Variants in PKHD1 observed in about 807,000 individuals in gnomAD.
PKHD1 encodes PKHD1 ciliary IPT domain containing fibrocystin/polyductin.
In PKHD1, 291 loss-of-function variants were observed where a neutral mutation model predicts 412.0. That is an observed-to-expected ratio of 0.71 (90% confidence interval 0.64 to 0.78). The LOEUF (loss-of-function observed/expected upper bound fraction) is 0.78, where lower values mean the gene tolerates loss of function less well. Ranked by LOEUF, PKHD1 falls within the 30% of genes least tolerant of loss-of-function variation. PKHD1 has a pLI of 0.00. For synonymous variants in PKHD1, 1,777 were observed against 1,821.5 expected (o/e 0.98, Z 0.62); for missense variants, 4,825 against 4,950.7 (o/e 0.97, Z 0.76).
chr6:52,012,802 C>A (rs1181155371), intron 34 of PKHD1, among the ~76,000 whole-genome samples: 1 of 152,154 alleles, frequency 6.6e-6, no homozygotes, highest in Non-Finnish European at 1.5e-5. Context: ...CACTTATAAA[C>A]CTATCAGAAA....
intron 48 of PKHD1, among the ~76,000 whole-genome samples, chr6:51,857,837 T>C (rs759455830): frequency 6.6e-6 from 1 of 152,216 alleles, no homozygotes; most frequent in Non-Finnish European, 1.5e-5. Flanking sequence ...TAAATGTATT[T>C]GTTTCATCCA....
chr6:52,005,982 G>A (rs1798996768), intron 35 of PKHD1, among the ~76,000 whole-genome samples: 1 of 149,052 alleles, frequency 6.7e-6, no homozygotes, highest in Non-Finnish European at 1.5e-5. Context: ...AAGCATGTGG[G>A]AGTGGCTTTT....
intron 35 of PKHD1, among the ~76,000 whole-genome samples, chr6:52,001,515 C>T (rs902528155): frequency 2.0e-5 from 3 of 151,752 alleles, no homozygotes; most frequent in African/African-American, 7.3e-5. Context: ...CTGCAAGCTC[C>T]GCCTCCCGGG....
intron 37 of PKHD1, among the ~76,000 whole-genome samples, chr6:51,925,867 C>T (rs528759998): frequency 6.6e-5 from 10 of 151,056 alleles, no homozygotes; most frequent in South Asian, 2.1e-4. Context: ...TCAAATGGGG[C>T]GAAAGTTAAT....
intron 36 of PKHD1, among the ~76,000 whole-genome samples, chr6:51,950,591 T>C (rs1434196189): frequency 6.6e-6 from 1 of 152,178 alleles, no homozygotes; most frequent in Non-Finnish European, 1.5e-5. Context: ...GTAGGTTTAC[T>C]GTAGAGCTCC....
At chr6:52,052,934 C>T (rs1807094894) in intron 21 of PKHD1, 142 bp downstream of exon 21, 19 of 725,812 alleles carry the variant, frequency 2.6e-5, no homozygotes, top group Middle Eastern at 2.3e-4. Context: ...ATAATCCCAG[C>T]CCCATCTGTT....
intron 49 of PKHD1, among the ~76,000 whole-genome samples, chr6:51,849,951 G>A (rs1215585155): frequency 2.0e-5 from 3 of 152,080 alleles, no homozygotes; most frequent in South Asian, 2.1e-4. Context: ...TGGCATTTTC[G>A]TCATGAAGTC....
intron 50 of PKHD1, among the ~76,000 whole-genome samples, chr6:51,839,441 T>C (rs1255915185): frequency 1.3e-5 from 2 of 152,222 alleles, no homozygotes; most frequent in Non-Finnish European, 2.9e-5. Flanking sequence ...TTGCCAACTT[T>C]TTCTGACGAG....
chr6:51,741,082 T>C, intron 60 of PKHD1: 2 of 518,746 alleles, frequency 3.9e-6, no homozygotes, highest in South Asian at 2.8e-5. Context: ...TTGAATCATG[T>C]TTGACAGCCA....
chr6:51,814,664 T>C (rs1024154427), intron 52 of PKHD1, among the ~76,000 whole-genome samples: 11 of 152,070 alleles, frequency 7.2e-5, no homozygotes, highest in African/African-American at 2.2e-4. Flanking sequence ...ACCAGGCCCA[T>C]CAGCTCCTCA....
chr6:51,706,264 T>G (rs1007016675), intron 60 of PKHD1, among the ~76,000 whole-genome samples: 1 of 152,146 alleles, frequency 6.6e-6, no homozygotes, highest in Admixed American at 6.6e-5. Context: ...GGAACAGTGT[T>G]GTTGACTTAC....
chr6:51,911,902 C>T lies in PKHD1; in HGVS notation c.6387G>A (p.Lys2129=), dbSNP rs1783006359. 1 of 1,611,630 alleles carries T rather than the reference C, an allele frequency of 6.2e-7. No individual in the cohort carries two copies. The highest frequency in any genetic ancestry group is 8.5e-7 in the Non-Finnish European group (1 of 1,178,290). Reference sequence around the variant, plus strand: ...TCCTGCTGAGCAGAGCCACAGTGGCCTTTAAAATATGGTGCTCTCCAGCCA... The same window carrying T: ...TCCTGCTGAGCAGAGCCACAGTGGCTTTTAAAATATGGTGCTCTCCAGCCA... The part of the protein sequence containing the change: ...NWVAGEHHIL[K]ATVALLSRSI... The change falls in exon 39 of 67, where the codon AAG becomes AAA. Residue 2129 remains lysine (K), a synonymous_variant. Transcript: ENST00000371117.
At chr6:51,639,653 A>G (rs1264472239) in intron 63 of PKHD1, among the ~76,000 whole-genome samples, 2 of 152,206 alleles carry the variant, frequency 1.3e-5, no homozygotes, top group African/African-American at 4.8e-5. Context: ...TATAACGTGA[A>G]AAAAGGCAGC....
intron 59 of PKHD1, among the ~76,000 whole-genome samples, chr6:51,745,617 T>C (rs557677841): frequency 6.6e-6 from 1 of 152,226 alleles, no homozygotes; most frequent in South Asian, 2.1e-4. Context: ...GGCGGGAGGA[T>C]CACTTGAGCT....
chr6:51,754,245 C>A (rs148435744), intron 56 of PKHD1, among the ~76,000 whole-genome samples: 12 of 152,016 alleles, frequency 7.9e-5, no homozygotes, highest in Non-Finnish European at 1.3e-4. Context: ...ATATTTGGTA[C>A]CTTTTTTATT....
In PKHD1 at chr6:51,767,855, T is replaced by C. The variant is rs190153975; in HGVS notation, c.8642+4847A>G. On this transcript the variant is annotated intron_variant, in intron 55 of 66. Transcript: ENST00000371117. ...CCAGTAATGGGATGGCTGGATCAAA[T>C]GGTATTTCTAGTTCTAGATCCCCAA... Among the ~76,000 whole-genome samples the C allele has an allele frequency of 3.3e-5, 5 of 152,300 alleles. No homozygotes were observed. In the East Asian group the frequency reaches 9.6e-4, roughly 29 times the overall value.
intron 60 of PKHD1, among the ~76,000 whole-genome samples, chr6:51,728,203 C>G (rs189507849): frequency 6.6e-6 from 1 of 152,148 alleles, no homozygotes; most frequent in South Asian, 2.1e-4. Flanking sequence ...AAAGATGGAA[C>G]CCACTCCCAG....
chr6:51,950,220 A>AAAAAAAAATATATATATATATATATAT, intron 36 of PKHD1, among the ~76,000 whole-genome samples: 2 of 98,298 alleles, frequency 2.0e-5, no homozygotes, highest in Middle Eastern at 4.8e-3. Flanking sequence ...GAAAAAAAAA[A>AAAAAAAAATATATATATATATATATAT]ATATATATAT....
intron 35 of PKHD1, among the ~76,000 whole-genome samples, chr6:51,985,830 T>C (rs568199128): frequency 4.6e-4 from 70 of 152,352 alleles, no homozygotes; most frequent in Admixed American, 1.2e-3. Flanking sequence ...ATAATAATTA[T>C]ACATATTTAA....
Sources: allele counts gnomAD v4.1 joint callset (sites outside exome capture counted in the v4.1 genomes callset), GRCh38; gene constraint gnomAD v4.1.1; transcripts MANE v1.5; gene names NCBI Gene and HGNC (gene_info 2026-07-23, HGNC 2026-07-21).